The following CACNA1C variants were observed in gnomAD, a reference collection of about 807,000 sequenced individuals.
The protein encoded by CACNA1C is voltage-dependent L-type calcium channel subunit alpha-1C.
CACNA1C carries 30 observed loss-of-function variants against 229.0 expected under a neutral mutation model. The observed-to-expected ratio is 0.13, with a 90% confidence interval of 0.10 to 0.18. CACNA1C has a LOEUF of 0.18. Ranked by LOEUF, CACNA1C falls within the 10% of genes least tolerant of loss-of-function variation. The pLI is 1.00. For missense variants in CACNA1C, 1,658 were observed against 2,845.0 expected (o/e 0.58, Z 9.49); for synonymous variants, 1,114 against 1,132.5 (o/e 0.98, Z 0.33).
At chr12:2,311,166 C>T (rs1278753817) in intron 3 of CACNA1C, among the ~76,000 whole-genome samples, 1 of 152,198 alleles carries the variant, frequency 6.6e-6, no homozygotes, top group Admixed American at 6.5e-5. Context: ...GTCACCTCAT[C>T]TCTGTCTTGA....
At chr12:2,135,959 A>G (rs1167259051) in intron 3 of CACNA1C, among the ~76,000 whole-genome samples, 2 of 147,140 alleles carry the variant, frequency 1.4e-5, no homozygotes, top group Admixed American at 6.8e-5. Context: ...AATCAGCGAG[A>G]CTCCGTGGGC....
At chr12:2,189,620 A>G (rs1598526824) in intron 3 of CACNA1C, among the ~76,000 whole-genome samples, 1 of 152,180 alleles carries the variant, frequency 6.6e-6, no homozygotes, top group African/African-American at 2.4e-5. Flanking sequence ...AACTGGCTGG[A>G]AAACTATCAG....
At chr12:2,458,459 C>T (rs1474451950) in intron 5 of CACNA1C, among the ~76,000 whole-genome samples, 1 of 152,258 alleles carries the variant, frequency 6.6e-6, no homozygotes, top group Non-Finnish European at 1.5e-5. Context: ...GCCCAAGGTG[C>T]TCCTGGGAGC....
intron 32 of CACNA1C, among the ~76,000 whole-genome samples, chr12:2,652,893 G>GC (rs372609236): frequency 0.017 from 1,385 of 80,334 alleles, 20 homozygotes; most frequent in African/African-American, 0.035. Flanking sequence ...TACTCTCCCT[G>GC]CCCCCCCGAC....
intron 1 of CACNA1C, among the ~76,000 whole-genome samples, chr12:2,090,438 C>T (rs959509120): frequency 1.3e-5 from 2 of 151,244 alleles, no homozygotes; most frequent in South Asian, 4.2e-4. Flanking sequence ...CTGCCTCAGC[C>T]TCCTGAGTAG....
chr12:2,098,320 A>G (rs1394790406), intron 1 of CACNA1C, among the ~76,000 whole-genome samples: 1 of 152,232 alleles, frequency 6.6e-6, no homozygotes, highest in African/African-American at 2.4e-5. Context: ...TGAAAGAAGC[A>G]TTGTATTTTA....
At chr12:2,484,725 C>A (rs1428254487) in intron 5 of CACNA1C, among the ~76,000 whole-genome samples, 1 of 131,214 alleles carries the variant, frequency 7.6e-6, no homozygotes, top group African/African-American at 2.8e-5. Flanking sequence ...CAGCAGATGC[C>A]CTGAAAGCCG....
At chr12:2,681,126 C>T (rs1475239384) in intron 42 of CACNA1C, among the ~76,000 whole-genome samples, 8 of 152,284 alleles carry the variant, frequency 5.3e-5, no homozygotes, top group East Asian at 3.9e-4. Flanking sequence ...GAGGGCTCCA[C>T]GTCCGTCTTT....
intron 1 of CACNA1C, among the ~76,000 whole-genome samples, chr12:2,021,174 A>G (rs2046377898): frequency 6.6e-6 from 1 of 152,206 alleles, no homozygotes; most frequent in Non-Finnish European, 1.5e-5. Flanking sequence ...CCAACTGCAA[A>G]TAGCTTTGCA....
intron 3 of CACNA1C, among the ~76,000 whole-genome samples, chr12:2,438,840 A>G (rs2099185269): frequency 6.6e-6 from 1 of 152,124 alleles, no homozygotes; most frequent in African/African-American, 2.4e-5. Context: ...GCAGAAAGAC[A>G]GGATCCTGTT....
intron 1 of CACNA1C, chr12:1,998,106 T>G (rs1470654382): frequency 1.4e-6 from 1 of 697,252 alleles, no homozygotes; most frequent in African/African-American, 1.9e-5. Context: ...TGAGGAGTTA[T>G]TCTCAGGAAA....
chr12:2,602,025 C>G lies in CACNA1C; in HGVS notation c.2960+65C>G. On this transcript the variant is annotated intron_variant, in intron 22 of 46. Coordinates refer to ENST00000399655, the MANE Select transcript of CACNA1C (RefSeq NM_000719.7). The surrounding 1 kb of genome is among the most constrained non-coding windows in gnomAD (Gnocchi z 4.4). ...TAGCAAGGGGTGCCAGAGAGGACAA[C>G]CAGACCCTGGAGGGCCTGCCTGCAG... The G allele has an allele frequency of 2.7e-6, 3 of 1,117,194 alleles. No individual in the cohort carries two copies. The highest frequency in any genetic ancestry group is 4.1e-6 in the Non-Finnish European group (3 of 729,636). The allele number at this position is 1,117,194 out of a possible 1,614,324, so 69.2% of individuals were successfully genotyped here. A position where few individuals can be genotyped will look rare whatever the true frequency, so the allele number is the denominator to read the frequency against.
chr12:2,233,808 ATCC>A (rs2066252761), intron 3 of CACNA1C, among the ~76,000 whole-genome samples: 1 of 152,170 alleles, frequency 6.6e-6, no homozygotes, highest in Non-Finnish European at 1.5e-5. Context: ...TAGGGGAGGC[ATCC>A]TCCTCTTCAA....
intron 3 of CACNA1C, among the ~76,000 whole-genome samples, chr12:2,124,733 C>T (rs766278358): frequency 4.6e-5 from 7 of 151,958 alleles, no homozygotes; most frequent in Non-Finnish European, 8.8e-5. Flanking sequence ...TCATGGGTGG[C>T]GGAGAGAGCT....
chr12:2,585,594 A>G lies in CACNA1C; in HGVS notation c.2460+98A>G. 1 of 1,375,390 alleles carries G rather than the reference A, an allele frequency of 7.3e-7. No homozygotes were observed. Among genetic ancestry groups the G allele is most frequent in the South Asian group, 1.5e-5 (1 of 66,288 alleles). 85.2% of individuals were successfully genotyped at this position (1,375,390 alleles called of 1,614,324 possible). A position where few individuals can be genotyped will look rare whatever the true frequency, so the allele number is the denominator to read the frequency against. ...GAACCCTGTGGAGAAGAGGAGAGAA[A>G]GAAAGACACCCAGTGGAAAGAAAGC... On this transcript the variant is annotated intron_variant, in intron 17 of 46. Transcript: ENST00000399655. The surrounding 1 kb of genome is among the most constrained non-coding windows in gnomAD (Gnocchi z 4.1).
At chr12:2,427,599 G>C (rs903385627) in intron 3 of CACNA1C, among the ~76,000 whole-genome samples, 7 of 152,050 alleles carry the variant, frequency 4.6e-5, no homozygotes, top group African/African-American at 1.7e-4. Context: ...CAATTGTCAG[G>C]CATATTTTAT....
chr12:2,575,021 G>A lies in CACNA1C; in HGVS notation c.1896-6569G>A, dbSNP rs1276213436. ...CAACTAGGTGACACTGAGTAGCCCC[G>A]TGGCCCAGAAGCTCAGAGAAGCATG... is the stretch of plus-strand genomic sequence containing the variant. On this transcript the variant is annotated intron_variant, in intron 13 of 46. Coordinates refer to ENST00000399655, the MANE Select transcript of CACNA1C (RefSeq NM_000719.7). The surrounding 1 kb of genome is among the most constrained non-coding windows in gnomAD (Gnocchi z 4.0). Among the ~76,000 whole-genome samples, 5 of 152,196 alleles carry A rather than the reference G, an allele frequency of 3.3e-5. No homozygotes were observed. The highest frequency in any genetic ancestry group is 7.3e-5 in the Non-Finnish European group (5 of 68,032).
chr12:2,553,690 G>T (rs1416447445), intron 10 of CACNA1C, among the ~76,000 whole-genome samples: 3 of 152,268 alleles, frequency 2.0e-5, no homozygotes, highest in African/African-American at 7.2e-5. Flanking sequence ...GGCCCAGGCG[G>T]TGTGGAGTCT....
At chr12:2,208,426 G>A (rs1045058974) in intron 3 of CACNA1C, among the ~76,000 whole-genome samples, 2 of 152,204 alleles carry the variant, frequency 1.3e-5, no homozygotes, top group African/African-American at 2.4e-5. Context: ...CTTAAGGCAA[G>A]GTCTTGATGA....
Sources: gnomAD v4.1 joint callset for allele counts (sites outside exome capture counted in the v4.1 genomes callset) on GRCh38, gnomAD v4.1.1 for gene constraint, Gnocchi (gnomAD v3.1) non-coding constraint, MANE v1.5 for transcripts, NCBI Gene and HGNC (gene_info 2026-07-23, HGNC 2026-07-21) for gene names.